Variants in PDE1C observed in about 807,000 individuals in gnomAD.
The protein encoded by PDE1C is phosphodiesterase 1C.
Under a neutral mutation model 93.1 loss-of-function variants are expected in PDE1C, and 62 were observed. The observed-to-expected ratio is 0.67, with a 90% CI of 0.54 to 0.82. The LOEUF (loss-of-function observed/expected upper bound fraction) is 0.82, where lower values mean the gene tolerates loss of function less well. PDE1C is among the 40% of genes least tolerant of loss of function. The pLI, the probability that PDE1C is intolerant of heterozygous loss-of-function variation, is 0.00. For missense variants in PDE1C, 742 were observed against 884.6 expected (o/e 0.84, Z 2.04); for synonymous variants, 325 against 310.1 (o/e 1.05, Z -0.50).
At chr7:32,179,085 C>G (rs1803203237) in intron 2 of PDE1C, among the ~76,000 whole-genome samples, 1 of 152,206 alleles carries the variant, frequency 6.6e-6, no homozygotes, top group Admixed American at 6.5e-5. Flanking sequence ...TTCTCATTCT[C>G]CTAATCCAAG....
At chr7:31,886,450 A>G (rs1474757873) in intron 2 of PDE1C, among the ~76,000 whole-genome samples, 1 of 152,174 alleles carries the variant, frequency 6.6e-6, no homozygotes, top group Admixed American at 6.5e-5. Context: ...AACATTCAAC[A>G]TTGGGTGTCT....
chr7:31,936,506 A>AT (rs1404521379), intron 2 of PDE1C, among the ~76,000 whole-genome samples: 1 of 152,166 alleles, frequency 6.6e-6, no homozygotes, highest in Non-Finnish European at 1.5e-5. Flanking sequence ...ACACACATCT[A>AT]TGAGCAAGCA....
chr7:31,638,491 T>C, the PDE1C span, among the ~76,000 whole-genome samples: 1 of 152,212 alleles, frequency 6.6e-6, no homozygotes, highest in East Asian at 1.9e-4. Flanking sequence ...GTTTTTGTTA[T>C]AAATCCCACA....
At chr7:31,853,653 T>C (rs1200001532) in intron 7 of PDE1C, among the ~76,000 whole-genome samples, 2 of 151,420 alleles carry the variant, frequency 1.3e-5, no homozygotes, top group African/African-American at 4.8e-5. Flanking sequence ...GGAAGGATAT[T>C]TGGACAGGAG....
At chr7:31,879,612 C>A (rs548214732) in intron 3 of PDE1C, among the ~76,000 whole-genome samples, 33 of 152,328 alleles carry the variant, frequency 2.2e-4, no homozygotes, top group African/African-American at 5.3e-4. Flanking sequence ...ACCCAGTCCT[C>A]TGAAGTAGTG....
At chr7:32,013,032 C>T (rs1335560116) in intron 2 of PDE1C, among the ~76,000 whole-genome samples, 2 of 152,112 alleles carry the variant, frequency 1.3e-5, no homozygotes, top group Admixed American at 1.3e-4. Context: ...TTCTAATGTC[C>T]TGTAAAAGCA....
chr7:31,837,481 C>T (rs1167579184), intron 10 of PDE1C, among the ~76,000 whole-genome samples, 181 bp from the exon 11 acceptor site: 1 of 152,160 alleles, frequency 6.6e-6, no homozygotes, highest in Non-Finnish European at 1.5e-5. Flanking sequence ...ACTTGGTCTC[C>T]ATATTTACGG....
At chr7:31,676,587 ATG>A in the PDE1C span, among the ~76,000 whole-genome samples, 1 of 152,104 alleles carries the variant, frequency 6.6e-6, no homozygotes, top group Non-Finnish European at 1.5e-5. Flanking sequence ...ATACACATAT[ATG>A]TGTGTTTGTG....
intron 1 of PDE1C, among the ~76,000 whole-genome samples, chr7:32,386,455 T>C (rs2128091668): frequency 1.4e-5 from 1 of 70,430 alleles, no homozygotes; most frequent in South Asian, 5.7e-4. Context: ...TTCTTAACAG[T>C]TGCATAATAT....
At chr7:32,385,382 A>C (rs1442289922) in intron 1 of PDE1C, among the ~76,000 whole-genome samples, 1 of 152,188 alleles carries the variant, frequency 6.6e-6, no homozygotes, top group African/African-American at 2.4e-5. Context: ...CTAAAGCTGC[A>C]ATTTTATTCT....
rs556422457 is a variant in PDE1C, at chr7:31,872,693, C to A, written c.609+599G>T. On this transcript the variant is annotated intron_variant, in intron 6 of 17. Coordinates refer to ENST00000396191, the MANE Select transcript of PDE1C (RefSeq NM_001191057.4). Reference sequence around the variant, plus strand: ...TACCATAGATGTTGGCAGATGACTACATCAACTCCCTGAGGATCTGACCCC... The same window carrying A: ...TACCATAGATGTTGGCAGATGACTAAATCAACTCCCTGAGGATCTGACCCC... Among the ~76,000 whole-genome samples, 5 of 152,244 alleles carry A rather than the reference C, an allele frequency of 3.3e-5. No individual in the cohort carries two copies. In the East Asian group the frequency reaches 9.7e-4, roughly 29 times the overall value.
the PDE1C span, among the ~76,000 whole-genome samples, chr7:31,644,919 C>T: frequency 1.3e-5 from 2 of 152,182 alleles, no homozygotes; most frequent in Admixed American, 1.3e-4. Context: ...GTTACCTTCC[C>T]ATTCTCTTAA....
chr7:32,043,882 T>C (rs1018993862), intron 2 of PDE1C, among the ~76,000 whole-genome samples: 1 of 152,218 alleles, frequency 6.6e-6, no homozygotes, highest in Admixed American at 6.5e-5. Flanking sequence ...TGTGGGAGTA[T>C]GCAGTGAACT....
intron 2 of PDE1C, among the ~76,000 whole-genome samples, chr7:32,172,233 T>C (rs1217278677): frequency 6.6e-6 from 1 of 152,068 alleles, no homozygotes; most frequent in Non-Finnish European, 1.5e-5. Flanking sequence ...ACAAAGACAC[T>C]GTCAGGTTGA....
chr7:31,780,207 C>T (rs543077477), intron 16 of PDE1C, among the ~76,000 whole-genome samples: 5 of 152,292 alleles, frequency 3.3e-5, no homozygotes, highest in African/African-American at 4.8e-5. Context: ...GATCTGCAGC[C>T]ATGAGAAACA....
intron 1 of PDE1C, among the ~76,000 whole-genome samples, chr7:32,248,680 ATC>A (rs1204208384): frequency 1.3e-5 from 2 of 152,196 alleles, no homozygotes; most frequent in Non-Finnish European, 2.9e-5. Flanking sequence ...AACCATTATT[ATC>A]TCTCATCAAG....
At chr7:31,643,437 T>C in the PDE1C span, 1 of 1,614,022 alleles carries the variant, frequency 6.2e-7, no homozygotes, top group Non-Finnish European at 8.5e-7. Context: ...AGATACTACC[T>C]GGGACAGAAG....
At chr7:32,151,751 G>A (rs374763069) in intron 3 of PDE1C, among the ~76,000 whole-genome samples, 9 of 152,262 alleles carry the variant, frequency 5.9e-5, no homozygotes, top group East Asian at 1.9e-4. Context: ...GGACAGACTG[G>A]GGATAGCATG....
Position 31,880,736 on chromosome 7 carries a change from T to A in PDE1C, c.242+11A>T. 1 of 1,511,252 alleles carries A rather than the reference T, an allele frequency of 6.6e-7. No homozygotes were observed. Among genetic ancestry groups the A allele is most frequent in the Admixed American group, 1.7e-5 (1 of 58,066 alleles). 93.6% of individuals were successfully genotyped at this position (1,511,252 alleles called of 1,614,324 possible). On this transcript the variant is annotated intron_variant, in intron 3 of 17. Transcript: ENST00000396191. Reference sequence around the variant, plus strand: ...TCACTATACTAATCTCTTTTGTTATTTTTAGCTTACCTTGTTTCATCAATA... The same window carrying A: ...TCACTATACTAATCTCTTTTGTTATATTTAGCTTACCTTGTTTCATCAATA...
Sources: gnomAD v4.1 joint callset for allele counts (sites outside exome capture counted in the v4.1 genomes callset) on GRCh38, gnomAD v4.1.1 for gene constraint, MANE v1.5 for transcripts, NCBI Gene and HGNC (gene_info 2026-07-23, HGNC 2026-07-21) for gene names.